The following ST8SIA2 variants were observed in gnomAD, a reference collection of about 807,000 sequenced individuals.
ST8SIA2 encodes the protein alpha-2,8-sialyltransferase 8B.
A neutral mutation model predicts 37.6 loss-of-function variants in ST8SIA2; 22 were observed. The observed-to-expected ratio is 0.58, with a 90% CI of 0.42 to 0.83. ST8SIA2 has a LOEUF of 0.83. Ranked by LOEUF, ST8SIA2 falls within the 40% of genes least tolerant of loss-of-function variation. ST8SIA2 has a pLI of 0.00. For synonymous variants in ST8SIA2, 205 were observed against 201.2 expected, an observed-to-expected ratio of 1.02 and a Z score of -0.16; for missense variants, 382 against 484.7, an observed-to-expected ratio of 0.79 and a Z score of 1.99.
intron 1 of ST8SIA2, among the ~76,000 whole-genome samples, chr15:92,406,144 A>G (rs1303442368): frequency 6.6e-6 from 1 of 152,212 alleles, no homozygotes; most frequent in Non-Finnish European, 1.5e-5. Flanking sequence ...GGCTCTCTAT[A>G]ATACCACAGG....
At chr15:92,402,947 G>A (rs1364064038) in intron 1 of ST8SIA2, among the ~76,000 whole-genome samples, 1 of 152,178 alleles carries the variant, frequency 6.6e-6, no homozygotes, top group East Asian at 1.9e-4. Context: ...GAAGACAGAA[G>A]AGTTGGTGCT....
chr15:92,442,408 G>A (rs188882382), intron 4 of ST8SIA2, among the ~76,000 whole-genome samples: 33 of 149,528 alleles, frequency 2.2e-4, no homozygotes, highest in African/African-American at 8.0e-4. Flanking sequence ...GCAGTTGGGA[G>A]TATATTTCCT....
chr15:92,459,717 G>A (rs372770385), intron 5 of ST8SIA2, among the ~76,000 whole-genome samples: 4 of 152,178 alleles, frequency 2.6e-5, no homozygotes, highest in East Asian at 3.9e-4. Flanking sequence ...TCCTGCCTCA[G>A]CATCCTGAGT....
intron 1 of ST8SIA2, among the ~76,000 whole-genome samples, chr15:92,403,455 C>T (rs2049485752): frequency 1.3e-5 from 2 of 152,172 alleles, no homozygotes; most frequent in Admixed American, 1.3e-4. Flanking sequence ...GATAGCTTCG[C>T]GAACACAATG....
chr15:92,434,216 T>TCTA (rs767958812), intron 2 of ST8SIA2, 31 bp from the exon 3 acceptor site: 2 of 1,613,448 alleles, frequency 1.2e-6, no homozygotes, highest in Admixed American at 3.3e-5. Flanking sequence ...ACACATCATG[T>TCTA]CTACCCTCTT....
At chr15:92,433,129 C>G (rs1184117305) in intron 2 of ST8SIA2, among the ~76,000 whole-genome samples, 1 of 148,100 alleles carries the variant, frequency 6.8e-6, no homozygotes, top group African/African-American at 2.5e-5. Context: ...GCCTCTGTCT[C>G]CAAAAAAAAA....
intron 1 of ST8SIA2, among the ~76,000 whole-genome samples, chr15:92,398,957 G>C (rs916894020): frequency 6.6e-6 from 1 of 152,242 alleles, no homozygotes; most frequent in African/African-American, 2.4e-5. Context: ...AAAGACAGAA[G>C]GTGAATGAGG....
intron 5 of ST8SIA2, among the ~76,000 whole-genome samples, chr15:92,446,417 C>T (rs2045268): frequency 0.33 from 50,008 of 152,002 alleles, 9,309 homozygotes; most frequent in South Asian, 0.52. Context: ...CTACTAGTCA[C>T]CTAGTCATTA....
chr15:92,409,340 G>A (rs767481290), intron 1 of ST8SIA2, among the ~76,000 whole-genome samples: 2 of 152,144 alleles, frequency 1.3e-5, no homozygotes, highest in African/African-American at 2.4e-5. Context: ...TGAAGCTCAC[G>A]CATTTGGGAG....
chr15:92,399,296 C>T (rs2049453762), intron 1 of ST8SIA2, among the ~76,000 whole-genome samples: 1 of 152,224 alleles, frequency 6.6e-6, no homozygotes, highest in Non-Finnish European at 1.5e-5. Context: ...CAGCACCAAC[C>T]TGTTAGAATG....
intron 4 of ST8SIA2, among the ~76,000 whole-genome samples, chr15:92,442,555 G>A (rs1423697400): frequency 6.6e-6 from 1 of 152,096 alleles, no homozygotes; most frequent in Non-Finnish European, 1.5e-5. Flanking sequence ...CTGCTCTCAG[G>A]ACCCAGAGCT....
chr15:92,432,213 A>G (rs2049721180), intron 2 of ST8SIA2, among the ~76,000 whole-genome samples: 2 of 152,142 alleles, frequency 1.3e-5, no homozygotes, highest in Admixed American at 6.5e-5. Flanking sequence ...ATAACTCCTC[A>G]TCACCAACAT....
At chr15:92,412,640 GTGTTTT>G (rs1283525037) in intron 1 of ST8SIA2, among the ~76,000 whole-genome samples, 1 of 152,076 alleles carries the variant, frequency 6.6e-6, no homozygotes, top group Admixed American at 6.6e-5. Flanking sequence ...ATTTGCCTCT[GTGTTTT>G]TGTTTTTGTT....
At chr15:92,423,993 T>C (rs762731452) in intron 1 of ST8SIA2, among the ~76,000 whole-genome samples, 4 of 152,224 alleles carry the variant, frequency 2.6e-5, no homozygotes, top group Non-Finnish European at 5.9e-5. Flanking sequence ...TGTCCATGTG[T>C]CCTTGGAGTT....
intron 3 of ST8SIA2, among the ~76,000 whole-genome samples, chr15:92,437,684 T>C (rs1044174390): frequency 2.6e-5 from 4 of 151,934 alleles, no homozygotes; most frequent in Non-Finnish European, 4.4e-5. Flanking sequence ...CACGTCACAG[T>C]ATCCATCCCC....
At chr15:92,462,503 C>A (rs968845844) in intron 5 of ST8SIA2, among the ~76,000 whole-genome samples, 10 of 152,192 alleles carry the variant, frequency 6.6e-5, no homozygotes, top group African/African-American at 2.4e-4. Flanking sequence ...CCCACCCCAA[C>A]CTTTCAGCTA....
At chr15:92,394,839 G>A (rs1596224846) in intron 1 of ST8SIA2, among the ~76,000 whole-genome samples, 1 of 152,218 alleles carries the variant, frequency 6.6e-6, no homozygotes, top group Admixed American at 6.5e-5. Flanking sequence ...CGGCGACCCT[G>A]GGTTCCTGTG....
chr15:92,417,340 A>C lies in ST8SIA2; in HGVS notation c.99-12709A>C, dbSNP rs540657117. On this transcript the variant is annotated intron_variant, in intron 1 of 5. Transcript: ENST00000268164. The stretch of plus-strand genomic sequence containing the variant: ...GAACCAGGCAGGTGGGGAAGGGGAC[A>C]CATCAAATACCCAGAAGAAAAGTGA... 2.0e-3 allele frequency among the ~76,000 whole-genome samples: 309 copies of C among 152,328 alleles called. 3 individuals carry two copies. Among genetic ancestry groups the C allele is most frequent in the Non-Finnish European group, 3.0e-3 (205 of 68,024 alleles).
chr15:92,452,217 G>A (rs574386943), intron 5 of ST8SIA2, among the ~76,000 whole-genome samples: 9 of 152,178 alleles, frequency 5.9e-5, no homozygotes, highest in Non-Finnish European at 1.2e-4. Context: ...AGCAGCATCA[G>A]CATCACTGGG....
Sources: gnomAD v4.1 joint callset for allele counts (sites outside exome capture counted in the v4.1 genomes callset) on GRCh38, gnomAD v4.1.1 for gene constraint, MANE v1.5 for transcripts, NCBI Gene and HGNC (gene_info 2026-07-23, HGNC 2026-07-21) for gene names.